Variants in EMC10 observed in about 807,000 individuals in gnomAD.
EMC10 encodes the protein ER membrane protein complex subunit 10, also known as UPF0510 protein INM02.
A neutral mutation model predicts 32.2 loss-of-function variants in EMC10; 40 were observed. The observed-to-expected ratio is 1.24, with a 90% confidence interval of 0.96 to 1.61. The LOEUF (loss-of-function observed/expected upper bound fraction) is 1.61, where lower values mean the gene tolerates loss of function less well. Ranked by LOEUF, EMC10 falls within the 40% of genes most tolerant of loss-of-function variation. EMC10 has a pLI of 0.00. For synonymous variants in EMC10, 178 were observed against 158.4 expected (o/e 1.12, Z -0.93); for missense variants, 402 against 357.7 (o/e 1.12, Z -1.00).
chr19:50,479,111 T>C (rs1450542230), intron 3 of EMC10, 45 bp downstream of exon 3: 1 of 1,468,240 alleles, frequency 6.8e-7, no homozygotes. Flanking sequence ...GGATGGAGGG[T>C]TTCCAGCTGT....
chr19:50,482,037 G>A (rs909096918), intron 6 of EMC10, 112 bp from the exon 7 acceptor site: 39 of 1,521,604 alleles, frequency 2.6e-5, no homozygotes, highest in African/African-American at 9.6e-5. Flanking sequence ...CTCCCCTTAC[G>A]CGACCTCCCC....
chr19:50,482,046 C>G, intron 6 of EMC10, 103 bp from the exon 7 acceptor site: 1 of 1,489,516 alleles, frequency 6.7e-7, no homozygotes. Context: ...CGCGACCTCC[C>G]CTCATGCCGG....
chr19:50,480,240 C>G lies in EMC10; in HGVS notation c.402+25C>G. 2 of 1,593,012 alleles carry G rather than the reference C, an allele frequency of 1.3e-6. No individual in the cohort carries two copies. Among genetic ancestry groups the G allele is most frequent in the Non-Finnish European group, 1.7e-6 (2 of 1,164,002 alleles). Reference sequence around the variant, plus strand: ...GGTGAGTTGGTGTCGGGGATGAGCCCCCTTCTCCCTCGTCCTCCTCATCCC... The same window carrying G: ...GGTGAGTTGGTGTCGGGGATGAGCCGCCTTCTCCCTCGTCCTCCTCATCCC... On this transcript the variant is annotated intron_variant, in intron 4 of 6. Transcript: ENST00000334976. This position sits in a 1 kb window ranked among gnomAD's most constrained non-coding sequence, Gnocchi z 4.4.
rs901724177 is a variant in EMC10, at chr19:50,481,501, G to A, written c.678+524G>A. ...TGGGGTGGGGAGGCTGGGGACAGCC[G>A]GAGGAGGTGGCTTCCACCCAGGCCT... On this transcript the variant is annotated intron_variant, in intron 6 of 6. Coordinates refer to ENST00000334976, the MANE Select transcript of EMC10 (RefSeq NM_206538.4). 1.0e-5 allele frequency: 3 copies of A among 287,378 alleles called. No individual in the cohort carries two copies. In the South Asian group the frequency reaches 2.0e-4, roughly 19 times the overall value. The allele number at this position is 287,378 out of a possible 1,614,324, so 17.8% of individuals were successfully genotyped here.
rs1296132518 is a variant in EMC10, at chr19:50,484,900, A to G, written c.*2641A>G. On this transcript the variant is annotated 3_prime_UTR_variant, in exon 7 of 7. Coordinates refer to ENST00000334976, the MANE Select transcript of EMC10 (RefSeq NM_206538.4). ...ATGCTCACTCTGGGCTCCAGCACCCACTTCCCCTCCCTGGAGGCAGCCTGA... is the reference window on the plus strand; with the variant it reads ...ATGCTCACTCTGGGCTCCAGCACCCGCTTCCCCTCCCTGGAGGCAGCCTGA... 1.3e-5 allele frequency: 2 copies of G among 152,104 alleles called. No homozygotes were observed. The highest frequency in any genetic ancestry group is 2.9e-5 in the Non-Finnish European group (2 of 68,040). The allele number at this position is 152,104 out of a possible 1,614,324, so 9.4% of individuals were successfully genotyped here.
At position 50,480,910 on chromosome 19, in the gene EMC10, G is replaced by C; in HGVS notation, c.611G>C (p.Arg204Pro). ...PGPETAAFIE[R>P]LEMEQAQKAK... ...CCTGAGACGGCGGCCTTCATTGAGC[G>C]CCTGGAGATGGAACAGGCCCAGAAG... The change falls in exon 6 of 7, where the codon CGC (arginine) becomes CCC (proline). Residue 204 changes from arginine (R) to proline (P), a missense_variant. By Grantham distance (103) the Arg-to-Pro change is moderately radical. Transcript: ENST00000334976. The surrounding 1 kb of genome is among the most constrained non-coding windows in gnomAD (Gnocchi z 4.4). The C allele has an allele frequency of 6.2e-7, 1 of 1,611,274 alleles. No individual in the cohort carries two copies. Among genetic ancestry groups the C allele is most frequent in the South Asian group, 1.1e-5 (1 of 90,954 alleles).
rs1290221430 is a variant in EMC10 at position 50,488,486 on chromosome 19, G to A, written c.*6227G>A. 1 of 147,982 alleles carries A rather than the reference G, an allele frequency of 6.8e-6. No individual in the cohort carries two copies. The highest frequency in any genetic ancestry group is 1.5e-5 in the Non-Finnish European group (1 of 67,134). 9.2% of individuals were successfully genotyped at this position (147,982 alleles called of 1,614,324 possible). On this transcript the variant is annotated 3_prime_UTR_variant, in exon 7 of 7. Coordinates refer to ENST00000334976, the MANE Select transcript of EMC10 (RefSeq NM_206538.4). The stretch of plus-strand genomic sequence containing the variant: ...GGAGAGGGTGGGTGCCATGGCTGGT[G>A]AGCTCGGAGAAGAGGGAAGCAGAGA...
Position 50,482,765 on chromosome 19 carries a change from C to G in EMC10, c.*506C>G. 2 of 490,762 alleles carry G rather than the reference C, an allele frequency of 4.1e-6. No homozygotes were observed. The highest frequency in any genetic ancestry group is 7.2e-6 in the Non-Finnish European group (2 of 279,210). 30.4% of individuals were successfully genotyped at this position (490,762 alleles called of 1,614,324 possible). On this transcript the variant is annotated 3_prime_UTR_variant, in exon 7 of 7. Transcript: ENST00000334976. The stretch of plus-strand genomic sequence containing the variant: ...CCTTCTGTGTCCCCTTGAGGGTACC[C>G]TGGGTCCCCTCATCAGGGGCAGAGG...
intron 2 of EMC10, 129 bp downstream of exon 2, chr19:50,478,130 TA>T: frequency 1.4e-6 from 1 of 740,174 alleles, no homozygotes; most frequent in African/African-American, 1.8e-5. Flanking sequence ...TGCCTCAGGT[TA>T]GGGGAAAGTG....
At chr19:50,481,142 A>G (rs1760548889) in intron 6 of EMC10, 165 bp downstream of exon 6, 1 of 613,200 alleles carries the variant, frequency 1.6e-6, no homozygotes, top group East Asian at 2.9e-5. Context: ...GTTTGCAGGA[A>G]GAGGGTATGG....
In EMC10 at chr19:50,490,138, G is replaced by C. The variant is rs767340873; in HGVS notation, c.*7879G>C. 6.7e-6 allele frequency: 1 copy of C among 149,728 alleles called. No individual in the cohort carries two copies. Among genetic ancestry groups the C allele is most frequent in the Admixed American group, 6.7e-5 (1 of 14,952 alleles). The allele number at this position is 149,728 out of a possible 1,614,324, so 9.3% of individuals were successfully genotyped here. A position where few individuals can be genotyped will look rare whatever the true frequency, so the allele number is the denominator to read the frequency against. ...GTCTTAACAATTTTTTTTTTGAGAC[G>C]GAGTCTTGCTGTGTTGCCCAAGCTA... On this transcript the variant is annotated 3_prime_UTR_variant, in exon 7 of 7. Coordinates refer to ENST00000334976, the MANE Select transcript of EMC10 (RefSeq NM_206538.4).
rs368218852 is a variant in EMC10, at chr19:50,483,437, C to T, written c.*1178C>T. Reference sequence around the variant, plus strand: ...CTCTTGGGTGTGGTTTGAATGATCTCGGGATGCATGACTAAAATGGAATTA... The same window carrying T: ...CTCTTGGGTGTGGTTTGAATGATCTTGGGATGCATGACTAAAATGGAATTA... On this transcript the variant is annotated 3_prime_UTR_variant, in exon 7 of 7. Coordinates refer to ENST00000334976, the MANE Select transcript of EMC10 (RefSeq NM_206538.4). 2.2e-4 allele frequency: 37 copies of T among 171,436 alleles called. 1 individual carries two copies. In the South Asian group the frequency reaches 2.6e-3, roughly 12 times the overall value. 10.6% of individuals were successfully genotyped at this position (171,436 alleles called of 1,614,324 possible).
chr19:50,477,799 G>T, intron 1 of EMC10, 130 bp from the exon 2 acceptor site: 1 of 612,424 alleles, frequency 1.6e-6, no homozygotes. Context: ...ATAAAGGCAA[G>T]CAGCAGTGAT....
intron 6 of EMC10, chr19:50,481,565 C>T: frequency 2.2e-6 from 1 of 454,760 alleles, no homozygotes; most frequent in Non-Finnish European, 3.9e-6. Flanking sequence ...TAGGTTGTGG[C>T]ACAGGAGCCC....
At chr19:50,479,804 G>C (rs1486383778) in intron 3 of EMC10, among the ~76,000 whole-genome samples, 1 of 152,228 alleles carries the variant, frequency 6.6e-6, no homozygotes, top group African/African-American at 2.4e-5. Flanking sequence ...GTGGACGCCA[G>C]GTGCAGCTGG....
Position 50,482,532 on chromosome 19 carries a change from G to A in EMC10, c.*273G>A. On this transcript the variant is annotated 3_prime_UTR_variant, in exon 7 of 7. Coordinates refer to ENST00000334976, the MANE Select transcript of EMC10 (RefSeq NM_206538.4). ...GGGCTTCCCCCCTGCCCATGGAGTAGAGCCCGAGATCCTGGCCACTATGCC... is the reference window on the plus strand; with the variant it reads ...GGGCTTCCCCCCTGCCCATGGAGTAAAGCCCGAGATCCTGGCCACTATGCC... 1.8e-6 allele frequency: 1 copy of A among 556,178 alleles called. No homozygotes were observed. The highest frequency in any genetic ancestry group is 3.1e-5 in the East Asian group (1 of 32,464). The allele number at this position is 556,178 out of a possible 1,614,324, so 34.5% of individuals were successfully genotyped here.
chr19:50,480,191 C>G lies in EMC10; in HGVS notation c.378C>G (p.Gly126=). The change falls in exon 4 of 7, where the codon GGC becomes GGG. Residue 126 remains glycine, a synonymous_variant. Transcript: ENST00000334976. This position sits in a 1 kb window ranked among gnomAD's most constrained non-coding sequence, Gnocchi z 4.4. The part of the protein sequence containing the change: ...PGALDGLEAG[G]YVSSFVPACS... Reference sequence around the variant, plus strand: ...CCCTGGATGGCCTGGAAGCTGGTGGCTATGTCTCCTCCTTTGTCCCTGCGG... The same window carrying G: ...CCCTGGATGGCCTGGAAGCTGGTGGGTATGTCTCCTCCTTTGTCCCTGCGG... 6.2e-7 allele frequency: 1 copy of G among 1,613,912 alleles called. No individual in the cohort carries two copies. The highest frequency in any genetic ancestry group is 8.5e-7 in the Non-Finnish European group (1 of 1,179,942).
chr19:50,480,292 G>A lies in EMC10; in HGVS notation c.402+77G>A, dbSNP rs1214689206. 4.2e-6 allele frequency: 6 copies of A among 1,412,078 alleles called. No individual in the cohort carries two copies. The highest frequency in any genetic ancestry group is 2.4e-5 in the East Asian group (1 of 41,722). 87.5% of individuals were successfully genotyped at this position (1,412,078 alleles called of 1,614,324 possible). A position where few individuals can be genotyped will look rare whatever the true frequency, so the allele number is the denominator to read the frequency against. ...TACCCTGGTCCTGCTTCCACCATTC[G>A]AACCCCTGTGTTTCTGGAGCCCGCA... On this transcript the variant is annotated intron_variant, in intron 4 of 6. Transcript: ENST00000334976. This position sits in a 1 kb window ranked among gnomAD's most constrained non-coding sequence, Gnocchi z 4.4.
At chr19:50,479,195 ACT>A (rs1450730622) in intron 3 of EMC10, 129 bp downstream of exon 3, 4 of 672,896 alleles carry the variant, frequency 5.9e-6, no homozygotes, top group African/African-American at 3.6e-5. Flanking sequence ...ACCACCTGCC[ACT>A]CTCAGCCTCT....
Sources: gnomAD v4.1 joint callset for allele counts (sites outside exome capture counted in the v4.1 genomes callset) on GRCh38, gnomAD v4.1.1 for gene constraint, Gnocchi (gnomAD v3.1) non-coding constraint, MANE v1.5 for transcripts, NCBI Gene and HGNC (gene_info 2026-07-23, HGNC 2026-07-21) for gene names.